ACACB: variants seen among roughly 807,000 people sequenced by gnomAD.
The protein encoded by ACACB is acetyl-CoA carboxylase 2.
A neutral mutation model predicts 278.8 loss-of-function variants in ACACB; 209 were observed. That is an observed-to-expected ratio of 0.75 (90% CI 0.67 to 0.84). The LOEUF (loss-of-function observed/expected upper bound fraction) is 0.84. Among genes scored for constraint, ACACB ranks in the 40% least tolerant of loss-of-function variants. The pLI is 0.00. For missense variants in ACACB, 2,850 were observed against 3,269.0 expected (o/e 0.87, Z 3.13); for synonymous variants, 1,174 against 1,285.6 (o/e 0.91, Z 1.86).
At chr12:109,212,084 C>T (rs1006083406) in intron 21 of ACACB, among the ~76,000 whole-genome samples, 1 of 152,196 alleles carries the variant, frequency 6.6e-6, no homozygotes, top group African/African-American at 2.4e-5. Context: ...TGTGTGCACT[C>T]CTCCATGTGA....
chr12:109,211,669 T>C (rs145977273), intron 21 of ACACB, among the ~76,000 whole-genome samples: 132 of 152,324 alleles, frequency 8.7e-4, no homozygotes, highest in Middle Eastern at 3.4e-3. Flanking sequence ...CGCTAATGAC[T>C]ACAAGGTTTC....
At chr12:109,249,821 C>A in intron 40 of ACACB, 163 bp from the exon 41 acceptor site, 1 of 765,316 alleles carries the variant, frequency 1.3e-6, no homozygotes. Flanking sequence ...AATCTTAGCA[C>A]TCATTTTGAG....
chr12:109,258,196 C>T, intron 45 of ACACB, 72 bp from the exon 46 acceptor site: 1 of 1,161,300 alleles, frequency 8.6e-7, no homozygotes, highest in Non-Finnish European at 1.2e-6. Flanking sequence ...TGCCCTCACC[C>T]CCACACCCAG....
chr12:109,151,846 G>A (rs1203762493), intron 2 of ACACB, among the ~76,000 whole-genome samples: 1 of 152,232 alleles, frequency 6.6e-6, no homozygotes, highest in East Asian at 1.9e-4. Context: ...TAAAGGTGGT[G>A]TTGTGCTTGG....
chr12:109,129,540 T>C (rs10492215), intron 1 of ACACB, among the ~76,000 whole-genome samples: 8,209 of 152,262 alleles, frequency 0.054, 415 homozygotes, highest in East Asian at 0.26. Flanking sequence ...TTGAAATAAC[T>C]GAAAAAATGG....
chr12:109,255,538 G>C (rs1251303403), intron 44 of ACACB, among the ~76,000 whole-genome samples: 1 of 152,190 alleles, frequency 6.6e-6, no homozygotes, highest in Non-Finnish European at 1.5e-5. Flanking sequence ...GCATGCCTGG[G>C]TGCCGGGCCT....
At chr12:109,149,489 C>T (rs906681100) in intron 2 of ACACB, among the ~76,000 whole-genome samples, 2 of 152,002 alleles carry the variant, frequency 1.3e-5, no homozygotes, top group Non-Finnish European at 2.9e-5. Context: ...CAGGCTGAAG[C>T]GGGAGGATCG....
chr12:109,217,602 G>A (rs1481731546), intron 24 of ACACB, among the ~76,000 whole-genome samples: 4 of 151,882 alleles, frequency 2.6e-5, no homozygotes, highest in Admixed American at 6.6e-5. Context: ...AGTTTGAGAC[G>A]AGCCTGGGCA....
rs1209564809 is a variant in ACACB at position 109,175,973 on chromosome 12, A to G, written c.1259A>G (p.Lys420Arg). 1.9e-6 allele frequency: 3 copies of G among 1,614,168 alleles called. No homozygotes were observed. Among genetic ancestry groups the G allele is most frequent in the East Asian group, 2.2e-5 (1 of 44,886 alleles). Residue 420 changes from lysine to arginine, a missense_variant, in exon 8 of 53, where the codon AAA (lysine) becomes AGA (arginine). Lys to Arg is a conservative substitution (Grantham distance 26). This residue lies in a region of ACACB where 2,265 missense variants were observed against 2,561.3 expected (regional missense o/e 0.88). Transcript: ENST00000338432. ...EWTEDDLQQG[K>R]RISVPEDVYD... ...ACAGAAGATGATCTGCAGCAGGGAA[A>G]AAGAATCAGTGTCCCAGAAGATGTT...
intron 11 of ACACB, among the ~76,000 whole-genome samples, chr12:109,183,522 G>C (rs2136237286): frequency 6.6e-6 from 1 of 151,914 alleles, no homozygotes; most frequent in East Asian, 1.9e-4. Flanking sequence ...TTATTCCAGG[G>C]ATTTTATTTT....
In ACACB at chr12:109,216,921, G is replaced by A. The variant is rs760206698; in HGVS notation, c.3564+1G>A. The A allele has an allele frequency of 1.6e-5, 25 of 1,612,766 alleles. No homozygotes were observed. Among genetic ancestry groups the A allele is most frequent in the Admixed American group, 1.2e-4 (7 of 59,964 alleles). On this transcript the variant is annotated splice_donor_variant, in intron 24 of 52. Coordinates refer to ENST00000338432, the MANE Select transcript of ACACB (RefSeq NM_001093.4). LOFTEE classifies it high-confidence loss of function. ...GAACCAGCTGGTGATCATGTTGATC[G>A]TAAGCAGGAAGAGGGCCTGTTACTA... is the stretch of plus-strand genomic sequence containing the variant.
At chr12:109,200,260 TG>T (rs1451195772) in intron 18 of ACACB, among the ~76,000 whole-genome samples, 1 of 151,970 alleles carries the variant, frequency 6.6e-6, no homozygotes, top group Admixed American at 6.6e-5. Flanking sequence ...CTTGTCTCAC[TG>T]CAAACTCCGC....
intron 2 of ACACB, among the ~76,000 whole-genome samples, chr12:109,154,305 C>T (rs1428768509): frequency 6.6e-6 from 1 of 152,174 alleles, no homozygotes; most frequent in East Asian, 1.9e-4. Flanking sequence ...ATGAGAGAAA[C>T]CAGGACTTTG....
chr12:109,133,865 T>TA (rs56119414), intron 1 of ACACB, among the ~76,000 whole-genome samples: 915 of 22,924 alleles, frequency 0.04, 4 homozygotes, highest in Non-Finnish European at 0.043. Context: ...ATATATATAT[T>TA]TTTTTTTTTT....
intron 47 of ACACB, chr12:109,260,164 T>A (rs1004203066): frequency 7.2e-5 from 102 of 1,418,440 alleles, no homozygotes; most frequent in Non-Finnish European, 9.2e-5. Context: ...GTGAGGGTTT[T>A]CTTTGCTGGA....
intron 24 of ACACB, among the ~76,000 whole-genome samples, chr12:109,221,566 T>G (rs1054408361): frequency 5.9e-5 from 9 of 152,180 alleles, no homozygotes; most frequent in Non-Finnish European, 1.5e-5. Flanking sequence ...CTCCCTCTCC[T>G]GCAAGATTCA....
At chr12:109,138,323 C>T (rs2043018546) in intron 1 of ACACB, among the ~76,000 whole-genome samples, 1 of 152,148 alleles carries the variant, frequency 6.6e-6, no homozygotes, top group Non-Finnish European at 1.5e-5. Flanking sequence ...TCTTTCAATA[C>T]ACACTTGTAA....
intron 30 of ACACB, 33 bp from the exon 31 acceptor site, chr12:109,233,905 T>C: frequency 6.2e-7 from 1 of 1,613,496 alleles, no homozygotes. Context: ...GCCCCCAGGC[T>C]TTCCAGCCCT....
Position 109,209,211 on chromosome 12 carries a change from C to T in ACACB, c.3107C>T (p.Ser1036Leu). 1.2e-6 allele frequency: 2 copies of T among 1,609,532 alleles called. No individual in the cohort carries two copies. Among genetic ancestry groups the T allele is most frequent in the Non-Finnish European group, 1.7e-6 (2 of 1,178,726 alleles). Residue 1036 changes from serine (S) to leucine (L), a missense_variant, in exon 21 of 53, where the codon TCA becomes TTA. This residue lies in a region of ACACB where 2,265 missense variants were observed against 2,561.3 expected (regional missense o/e 0.88). Transcript: ENST00000338432. Reference sequence around the variant, plus strand: ...CTCATGATGACCCTCCGGCACCCGTCACTGCCGCTGCTGGAGCTGCAGGAG... The same window carrying T: ...CTCATGATGACCCTCCGGCACCCGTTACTGCCGCTGCTGGAGCTGCAGGAG... ...QKLMMTLRHP[S>L]LPLLELQEIM...
Sources: allele counts gnomAD v4.1 joint callset (sites outside exome capture counted in the v4.1 genomes callset), GRCh38; gene constraint gnomAD v4.1.1; regional missense constraint gnomAD v4.1.1; transcripts MANE v1.5; gene names NCBI Gene and HGNC (gene_info 2026-07-23, HGNC 2026-07-21).